KCNK13: variants seen among roughly 807,000 people sequenced by gnomAD.
The protein encoded by KCNK13 is potassium two pore domain channel subfamily K member 13.
In KCNK13, 12 loss-of-function variants were observed where a neutral mutation model predicts 23.4. The ratio of observed to expected loss-of-function variants is 0.51; its 90% CI spans 0.33 to 0.83. The LOEUF (loss-of-function observed/expected upper bound fraction) is 0.83. KCNK13 is among the 40% of genes least tolerant of loss of function. The pLI, the probability that KCNK13 is intolerant of heterozygous loss-of-function variation, is 0.02. For synonymous variants in KCNK13, 231 were observed against 229.5 expected (o/e 1.01, Z -0.06); for missense variants, 463 against 556.3 (o/e 0.83, Z 1.69).
chr14:90,168,225 T>C (rs1283121096), intron 1 of KCNK13, among the ~76,000 whole-genome samples: 1 of 151,874 alleles, frequency 6.6e-6, no homozygotes, highest in Non-Finnish European at 1.5e-5. Flanking sequence ...GATACAAAAA[T>C]TAGTCAGGCA....
chr14:90,066,949 C>A (rs577636339), intron 1 of KCNK13, among the ~76,000 whole-genome samples: 1 of 151,202 alleles, frequency 6.6e-6, no homozygotes, highest in African/African-American at 2.4e-5. Context: ...GGGCTACATA[C>A]AATGGAATAT....
intron 1 of KCNK13, among the ~76,000 whole-genome samples, chr14:90,154,962 T>C (rs143202208): frequency 1.4e-3 from 214 of 152,370 alleles, no homozygotes; most frequent in African/African-American, 4.8e-3. Context: ...GGCATCATCC[T>C]AGGCTCTGAG....
At chr14:90,092,212 G>A (rs374605753) in intron 1 of KCNK13, among the ~76,000 whole-genome samples, 56 of 152,256 alleles carry the variant, frequency 3.7e-4, no homozygotes, top group East Asian at 7.7e-4. Flanking sequence ...GTGAGCCACC[G>A]CACCCAGCCG....
At chr14:90,169,739 T>C (rs1419577735) in intron 1 of KCNK13, among the ~76,000 whole-genome samples, 2 of 152,174 alleles carry the variant, frequency 1.3e-5, no homozygotes, top group African/African-American at 4.8e-5. Context: ...CCCGAGGTAC[T>C]TACTTGTCCC....
At chr14:90,088,591 A>G (rs1376498507) in intron 1 of KCNK13, among the ~76,000 whole-genome samples, 2 of 152,226 alleles carry the variant, frequency 1.3e-5, no homozygotes, top group Admixed American at 6.5e-5. Flanking sequence ...GTCGAAATAT[A>G]GATTTCTGAT....
rs776794905 is a variant in KCNK13, at chr14:90,184,169, C to T, written c.393C>T (p.Gly131=). Residue 131 remains glycine (G), a synonymous_variant, in exon 2 of 2, where the codon GGC becomes GGT. Transcript: ENST00000282146. The surrounding 1 kb of genome is among the most constrained non-coding windows in gnomAD (Gnocchi z 5.6). The part of the protein sequence containing the change: ...VGGKIFLIFY[G]LVGCSSTILF... ...GAAAAATCTTTCTGATCTTTTACGG[C>T]CTTGTTGGGTGTTCCAGCACCATCT... 1.2e-6 allele frequency: 2 copies of T among 1,614,236 alleles called. No homozygotes were observed. The highest frequency in any genetic ancestry group is 4.5e-5 in the East Asian group (2 of 44,886).
At chr14:90,077,061 C>T (rs575114004) in intron 1 of KCNK13, among the ~76,000 whole-genome samples, 28 of 150,592 alleles carry the variant, frequency 1.9e-4, no homozygotes, top group Admixed American at 1.2e-3. Context: ...CCTCGTGATC[C>T]GCCCGCCTCA....
rs576190956 is a variant in KCNK13, at chr14:90,062,091, G to A, written c.-115G>A. The A allele has an allele frequency of 2.9e-5, 19 of 662,924 alleles. No homozygotes were observed. The South Asian group carries it at 8.4e-4, about 29-fold the overall frequency. The allele number at this position is 662,924 out of a possible 1,614,324, so 41.1% of individuals were successfully genotyped here. On this transcript the variant is annotated 5_prime_UTR_variant, in exon 1 of 2. Coordinates refer to ENST00000282146, the MANE Select transcript of KCNK13 (RefSeq NM_022054.4). This position sits in a 1 kb window ranked among gnomAD's most constrained non-coding sequence, Gnocchi z 4.5. ...GCCCGGCGGTCATGGGCGAGCCGGC[G>A]GTGGGGCGCCCGGGAGCTGGCTGAG...
chr14:90,149,278 C>G (rs906597911), intron 1 of KCNK13, among the ~76,000 whole-genome samples: 4 of 152,116 alleles, frequency 2.6e-5, no homozygotes, highest in African/African-American at 9.7e-5. Flanking sequence ...ATCCCTTGAA[C>G]CTGGGAGGCA....
At chr14:90,070,220 A>C (rs1378354415) in intron 1 of KCNK13, among the ~76,000 whole-genome samples, 2 of 152,256 alleles carry the variant, frequency 1.3e-5, no homozygotes, top group Non-Finnish European at 2.9e-5. Flanking sequence ...TGTATCTTAA[A>C]ATCACTGAAA....
chr14:90,167,111 G>A (rs1050195052), intron 1 of KCNK13, among the ~76,000 whole-genome samples: 5 of 152,142 alleles, frequency 3.3e-5, no homozygotes, highest in Admixed American at 1.3e-4. Context: ...CACCTCTCAA[G>A]GTTGGCATGA....
At chr14:90,082,228 A>ATTTTTTT (rs200927063) in intron 1 of KCNK13, among the ~76,000 whole-genome samples, 1 of 142,658 alleles carries the variant, frequency 7.0e-6, no homozygotes, top group African/African-American at 2.6e-5. Flanking sequence ...CACCCAGCTA[A>ATTTTTTT]TTTTTTTTTT....
intron 1 of KCNK13, among the ~76,000 whole-genome samples, chr14:90,126,010 G>C (rs922375496): frequency 1.5e-5 from 2 of 129,366 alleles, no homozygotes; most frequent in Non-Finnish European, 3.2e-5. Context: ...GGGCAACATA[G>C]TGAGACGCTA....
chr14:90,093,689 C>G lies in KCNK13; in HGVS notation c.334+31150C>G, dbSNP rs141057306. Among the ~76,000 whole-genome samples, 128 of 152,252 alleles carry G rather than the reference C, an allele frequency of 8.4e-4. 1 individual carries two copies. The East Asian group carries it at 0.021, about 25-fold the overall frequency. ...GGTTTCCTGTGGAGATTCTCTGTCT[C>G]CCATTCACTTGCAGAGAACATTATG... is the stretch of plus-strand genomic sequence containing the variant. On this transcript the variant is annotated intron_variant, in intron 1 of 1. Coordinates refer to ENST00000282146, the MANE Select transcript of KCNK13 (RefSeq NM_022054.4).
chr14:90,167,039 C>T (rs1365305024), intron 1 of KCNK13, among the ~76,000 whole-genome samples: 1 of 152,178 alleles, frequency 6.6e-6, no homozygotes, highest in Non-Finnish European at 1.5e-5. Flanking sequence ...TGACTTTGAG[C>T]AAGTTACTTA....
chr14:90,091,924 ACTC>A (rs1023001845), intron 1 of KCNK13, among the ~76,000 whole-genome samples: 5 of 145,776 alleles, frequency 3.4e-5, no homozygotes, highest in Middle Eastern at 3.7e-3. Context: ...GGGAAAGAGA[ACTC>A]CTTTTTTTTT....
In KCNK13 at chr14:90,109,283, TA is replaced by T. The variant is rs755718891; in HGVS notation, c.334+46751del. ...TGAGAATGTTTAATTTCTTTTCTAA[TA>T]AAAAAATACCTATAGATGAAAAAAA... On this transcript the variant is annotated intron_variant, in intron 1 of 1. Coordinates refer to ENST00000282146, the MANE Select transcript of KCNK13 (RefSeq NM_022054.4). Among the ~76,000 whole-genome samples the T allele has an allele frequency of 7.9e-5, 12 of 151,354 alleles. No homozygotes were observed. In the East Asian group the frequency reaches 1.2e-3, roughly 15 times the overall value.
chr14:90,158,071 G>A (rs1021226473), intron 1 of KCNK13, among the ~76,000 whole-genome samples: 1 of 152,202 alleles, frequency 6.6e-6, no homozygotes, highest in African/African-American at 2.4e-5. Flanking sequence ...CCTGCTGGTG[G>A]TGCTTGGTCC....
intron 1 of KCNK13, among the ~76,000 whole-genome samples, chr14:90,109,789 G>T (rs111629509): frequency 6.6e-6 from 1 of 151,240 alleles, no homozygotes; most frequent in African/African-American, 2.4e-5. Context: ...GCTCACTGTA[G>T]CCTCAGCCTC....
Sources: allele counts gnomAD v4.1 joint callset (sites outside exome capture counted in the v4.1 genomes callset), GRCh38; gene constraint gnomAD v4.1.1; non-coding constraint Gnocchi (gnomAD v3.1); transcripts MANE v1.5; gene names NCBI Gene and HGNC (gene_info 2026-07-23, HGNC 2026-07-21).